Variants in PACSIN2 observed in about 807,000 individuals in gnomAD.
The protein encoded by PACSIN2 is protein kinase C and casein kinase substrate in neurons protein 2.
A neutral mutation model predicts 63.8 loss-of-function variants in PACSIN2; 25 were observed. The observed-to-expected ratio is 0.39, with a 90% CI of 0.29 to 0.55. PACSIN2 has a LOEUF of 0.55. Ranked by LOEUF, PACSIN2 falls within the 20% of genes least tolerant of loss-of-function variation. The pLI is 0.62. For missense variants in PACSIN2, 518 were observed against 646.9 expected, an observed-to-expected ratio of 0.80 and a Z score of 2.16; for synonymous variants, 255 against 256.2, an observed-to-expected ratio of 1.00 and a Z score of 0.05.
At chr22:42,958,186 A>C (rs1933992587) in intron 1 of PACSIN2, among the ~76,000 whole-genome samples, 1 of 152,056 alleles carries the variant, frequency 6.6e-6, no homozygotes, top group African/African-American at 2.4e-5. Context: ...AATGAGTCTC[A>C]TGACCAGGGT....
chr22:42,948,229 C>T lies in PACSIN2; in HGVS notation c.-77-36072G>A, dbSNP rs150305731. On this transcript the variant is annotated intron_variant, in intron 1 of 10. Transcript: ENST00000263246. The stretch of plus-strand genomic sequence containing the variant: ...TGGCTGTGAAGGAGGGGAGAGGGGA[C>T]TGACAAATGGCAGGGCGCTGAAGAT... 6.1e-3 allele frequency among the ~76,000 whole-genome samples: 933 copies of T among 152,214 alleles called. 5 individuals carry two copies. Among genetic ancestry groups the T allele is most frequent in the African/African-American group, 0.021 (887 of 41,526 alleles).
intron 1 of PACSIN2, among the ~76,000 whole-genome samples, chr22:42,963,643 G>A (rs1459821887): frequency 6.6e-6 from 1 of 152,186 alleles, no homozygotes; most frequent in Non-Finnish European, 1.5e-5. Flanking sequence ...CTGTTTTACA[G>A]GGAAGGAAAC....
intron 1 of PACSIN2, among the ~76,000 whole-genome samples, chr22:43,011,126 G>T (rs1163133836): frequency 6.6e-6 from 1 of 152,240 alleles, no homozygotes; most frequent in Non-Finnish European, 1.5e-5. Context: ...TCTGGAGTCT[G>T]TCTGGGGCAG....
intron 1 of PACSIN2, among the ~76,000 whole-genome samples, chr22:42,953,985 G>C (rs929082158): frequency 6.6e-6 from 1 of 152,226 alleles, no homozygotes; most frequent in African/African-American, 2.4e-5. Flanking sequence ...ATGAGGCTGG[G>C]TGCGGTGGCT....
intron 6 of PACSIN2, 43 bp from the exon 7 acceptor site, chr22:42,882,347 A>C: frequency 6.3e-7 from 1 of 1,576,068 alleles, no homozygotes; most frequent in Non-Finnish European, 8.6e-7. Flanking sequence ...GGCAGGGGCC[A>C]GCTACCCTTT....
intron 1 of PACSIN2, among the ~76,000 whole-genome samples, chr22:42,928,652 G>A (rs1932684836): frequency 6.6e-6 from 1 of 152,212 alleles, no homozygotes; most frequent in African/African-American, 2.4e-5. Context: ...AATAGTGGTG[G>A]AGGCACTTGT....
intron 1 of PACSIN2, among the ~76,000 whole-genome samples, chr22:42,951,951 G>C (rs1414262270): frequency 6.6e-6 from 1 of 152,136 alleles, no homozygotes; most frequent in Non-Finnish European, 1.5e-5. Flanking sequence ...CCTCTGCCGG[G>C]AATACCTGCC....
chr22:42,898,179 C>A (rs935832865), intron 2 of PACSIN2, among the ~76,000 whole-genome samples: 17 of 152,066 alleles, frequency 1.1e-4, no homozygotes, highest in Non-Finnish European at 5.9e-5. Flanking sequence ...GGACAAAGGT[C>A]GTGGGAATCC....
Position 42,879,096 on chromosome 22 carries a change from G to A in PACSIN2, c.980C>T (p.Thr327Met), listed in dbSNP as rs965081114. 6.2e-6 allele frequency: 10 copies of A among 1,614,006 alleles called. No individual in the cohort carries two copies. The highest frequency in any genetic ancestry group is 5.0e-5 in the Admixed American group (3 of 60,002). The change falls in exon 8 of 11, where the codon ACG (threonine) becomes ATG (methionine). Residue 327 changes from threonine (T) to methionine (M), a missense_variant. Physicochemically the swap from Thr to Met is moderately conservative, Grantham distance 81 (BLOSUM62 -1). This residue lies in a region of PACSIN2 where 507 missense variants were observed against 612.3 expected (regional missense o/e 0.83). Coordinates refer to ENST00000263246, the MANE Select transcript of PACSIN2 (RefSeq NM_001184970.3). Reference sequence around the variant, plus strand: ...CTGGTCGCCTGTCTGGTTGATGCCCGTCAGGGTGACGCCGTCAGTGGCCTT... The same window carrying A: ...CTGGTCGCCTGTCTGGTTGATGCCCATCAGGGTGACGCCGTCAGTGGCCTT... ...KKKATDGVTLTGINQTGDQSL... is the reference protein window; with the variant it reads ...KKKATDGVTLMGINQTGDQSL...
At chr22:43,014,069 C>G (rs184261106) in intron 1 of PACSIN2, among the ~76,000 whole-genome samples, 1 of 152,280 alleles carries the variant, frequency 6.6e-6, no homozygotes, top group African/African-American at 2.4e-5. Flanking sequence ...GAAAATCGAC[C>G]TTCTCTGATG....
At chr22:42,886,000 C>A (rs1436262975) in intron 5 of PACSIN2, among the ~76,000 whole-genome samples, 1 of 152,202 alleles carries the variant, frequency 6.6e-6, no homozygotes, top group Non-Finnish European at 1.5e-5. Context: ...GTGGGTTCAG[C>A]GCCCAGCATC....
At chr22:42,976,547 G>A (rs1027957743) in intron 1 of PACSIN2, among the ~76,000 whole-genome samples, 1 of 152,224 alleles carries the variant, frequency 6.6e-6, no homozygotes, top group Non-Finnish European at 1.5e-5. Flanking sequence ...TTGCTGCTGG[G>A]TGTTGGCACC....
chr22:42,909,392 T>C, intron 2 of PACSIN2: 1 of 378,094 alleles, frequency 2.6e-6, no homozygotes, highest in East Asian at 8.0e-5. Context: ...TTTGGAAAAG[T>C]GTCCTTCCAT....
At chr22:42,911,999 T>C (rs751647430) in intron 2 of PACSIN2, 22 bp downstream of exon 2, 166 of 1,583,394 alleles carry the variant, frequency 1.0e-4, no homozygotes, top group Non-Finnish European at 1.4e-4. Flanking sequence ...CTTCATTCAC[T>C]GGAAGAAAGC....
intron 1 of PACSIN2, among the ~76,000 whole-genome samples, chr22:42,983,565 G>A (rs1014360317): frequency 6.6e-6 from 1 of 151,128 alleles, no homozygotes; most frequent in Non-Finnish European, 1.5e-5. Flanking sequence ...ATAACCAGCA[G>A]TTCTAATTAG....
rs1394268155 is a variant in PACSIN2, at chr22:42,920,822, AGACAGGGTC to A, written c.-77-8674_-77-8666del. Among the ~76,000 whole-genome samples, 66 of 65,068 alleles carry A rather than the reference AGACAGGGTC, an allele frequency of 1.0e-3. 1 individual carries two copies. The highest frequency in any genetic ancestry group is 4.2e-3 in the African/African-American group (62 of 14,838). 42.7% of individuals were successfully genotyped at this position (65,068 alleles called of 152,430 possible). The stretch of plus-strand genomic sequence containing the variant: ...TTTTTTTTTTTTTTTTTTTTTTTTG[AGACAGGGTC>A]TCGGTCTGCCGCCCAGGCTGAAGTG... On this transcript the variant is annotated intron_variant, in intron 1 of 10. Transcript: ENST00000263246.
At chr22:42,947,535 G>A (rs1378498685) in intron 1 of PACSIN2, among the ~76,000 whole-genome samples, 1 of 152,144 alleles carries the variant, frequency 6.6e-6, no homozygotes, top group Non-Finnish European at 1.5e-5. Flanking sequence ...TCCTCAAGAG[G>A]AGCTGAAGCC....
chr22:42,883,646 CAAAG>C (rs1929239409), intron 6 of PACSIN2, among the ~76,000 whole-genome samples: 1 of 152,210 alleles, frequency 6.6e-6, no homozygotes, highest in South Asian at 2.1e-4. Context: ...CAAAGGGCCT[CAAAG>C]AAAGACTGTC....
intron 5 of PACSIN2, 65 bp downstream of exon 5, chr22:42,888,578 T>C (rs866279491): frequency 3.3e-6 from 5 of 1,524,668 alleles, no homozygotes; most frequent in South Asian, 1.1e-5. Context: ...CAGAAGGCTA[T>C]ATGCCAGACA....
Sources: gnomAD v4.1 joint callset for allele counts (sites outside exome capture counted in the v4.1 genomes callset) on GRCh38, gnomAD v4.1.1 for gene constraint, gnomAD v4.1.1 regional missense constraint, MANE v1.5 for transcripts, NCBI Gene and HGNC (gene_info 2026-07-23, HGNC 2026-07-21) for gene names.